Variants in SNTG1 observed in about 807,000 individuals in gnomAD.
SNTG1 encodes the protein syntrophin gamma 1.
Under a neutral mutation model 74.7 loss-of-function variants are expected in SNTG1, and 39 were observed. The observed-to-expected ratio is 0.52, with a 90% CI of 0.40 to 0.68. The LOEUF is 0.68. Among genes scored for constraint, SNTG1 ranks in the 30% least tolerant of loss-of-function variants. The pLI, the probability that SNTG1 is intolerant of heterozygous loss-of-function variation, is 0.00. For synonymous variants in SNTG1, 254 were observed against 217.1 expected, an observed-to-expected ratio of 1.17 and a Z score of -1.49; for missense variants, 685 against 609.5, an observed-to-expected ratio of 1.12 and a Z score of -1.30.
intron 8 of SNTG1, among the ~76,000 whole-genome samples, chr8:50,494,527 T>C (rs2093886743): frequency 6.6e-6 from 1 of 152,046 alleles, no homozygotes; most frequent in East Asian, 1.9e-4. Context: ...TTTTTCAAAG[T>C]AGAACTTTTA....
At chr8:49,974,909 C>T (rs979452471) in intron 1 of SNTG1, among the ~76,000 whole-genome samples, 4 of 152,092 alleles carry the variant, frequency 2.6e-5, no homozygotes, top group African/African-American at 9.7e-5. Flanking sequence ...GGCATAATCC[C>T]TTTATGGCAG....
intron 1 of SNTG1, among the ~76,000 whole-genome samples, chr8:50,103,678 A>T (rs200715704): frequency 6.6e-6 from 1 of 152,038 alleles, no homozygotes; most frequent in Non-Finnish European, 1.5e-5. Context: ...CCCCATTCAG[A>T]ATGATATTGG....
At chr8:50,738,527 T>C (rs1279482259) in intron 17 of SNTG1, among the ~76,000 whole-genome samples, 3 of 152,022 alleles carry the variant, frequency 2.0e-5, no homozygotes, top group African/African-American at 7.2e-5. Context: ...CCAGCTACCA[T>C]TGACTTTCTT....
intron 1 of SNTG1, among the ~76,000 whole-genome samples, chr8:50,040,448 T>C (rs1818539973): frequency 6.6e-6 from 1 of 152,302 alleles, no homozygotes; most frequent in South Asian, 2.1e-4. Flanking sequence ...TTACTTAAAC[T>C]GTATATCTTA....
chr8:50,005,645 A>G (rs1815152077), intron 1 of SNTG1, among the ~76,000 whole-genome samples: 1 of 152,208 alleles, frequency 6.6e-6, no homozygotes, highest in Non-Finnish European at 1.5e-5. Flanking sequence ...AAGTACAATG[A>G]AAATGTTGAT....
chr8:50,448,009 C>T (rs202212784), intron 5 of SNTG1, among the ~76,000 whole-genome samples: 2 of 152,166 alleles, frequency 1.3e-5, no homozygotes, highest in South Asian at 2.1e-4. Flanking sequence ...TGATTTCCAC[C>T]ACACTGTCAG....
intron 8 of SNTG1, among the ~76,000 whole-genome samples, chr8:50,494,227 T>C (rs950404923): frequency 1.3e-5 from 2 of 151,928 alleles, no homozygotes; most frequent in African/African-American, 4.8e-5. Flanking sequence ...CATGGATATT[T>C]ATTCAGGATT....
chr8:50,426,265 A>G (rs996561255), intron 4 of SNTG1, among the ~76,000 whole-genome samples: 1 of 152,154 alleles, frequency 6.6e-6, no homozygotes, highest in African/African-American at 2.4e-5. Flanking sequence ...ACACTGTATA[A>G]GAATTCATTT....
At chr8:50,099,837 GT>G (rs1042848802) in intron 1 of SNTG1, among the ~76,000 whole-genome samples, 3 of 151,954 alleles carry the variant, frequency 2.0e-5, no homozygotes, top group South Asian at 2.1e-4. Flanking sequence ...ATTATTTGCA[GT>G]TTTTTTGCTA....
intron 2 of SNTG1, among the ~76,000 whole-genome samples, chr8:50,379,416 T>TG (rs912477294): frequency 2.0e-5 from 3 of 151,924 alleles, no homozygotes; most frequent in Admixed American, 6.6e-5. Context: ...GTTGTGCCGA[T>TG]GGGGGGTCAG....
intron 13 of SNTG1, among the ~76,000 whole-genome samples, chr8:50,650,306 CAA>C (rs1198823826): frequency 6.6e-6 from 1 of 151,898 alleles, no homozygotes; most frequent in African/African-American, 2.4e-5. Flanking sequence ...TTTTAAATCT[CAA>C]GTTATTTATT....
At position 50,796,478 on chromosome 8, in the gene SNTG1, T is replaced by C. The variant is rs1347415437; in HGVS notation, c.*3649T>C. 2 of 151,926 alleles carry C rather than the reference T, an allele frequency of 1.3e-5. No individual in the cohort carries two copies. The highest frequency in any genetic ancestry group is 2.9e-5 in the Non-Finnish European group (2 of 67,912). 9.4% of individuals were successfully genotyped at this position (151,926 alleles called of 1,614,324 possible). On this transcript the variant is annotated 3_prime_UTR_variant, in exon 19 of 19. Transcript: ENST00000642720. ...AATATTATAAATGTTATATATTTTA[T>C]ACATGTTAAAATGCAGTGAAAAGAC...
intron 5 of SNTG1, among the ~76,000 whole-genome samples, chr8:50,441,151 G>C (rs1032564672): frequency 6.6e-6 from 1 of 152,036 alleles, no homozygotes; most frequent in Admixed American, 6.6e-5. Context: ...TTGTTTTGTT[G>C]ATTAATATGT....
intron 1 of SNTG1, among the ~76,000 whole-genome samples, chr8:50,101,131 A>C (rs1188166247): frequency 6.6e-6 from 1 of 152,114 alleles, no homozygotes; most frequent in African/African-American, 2.4e-5. Context: ...TTATGGCTGC[A>C]TAGTATTCCA....
chr8:50,019,293 G>C (rs888165351), intron 1 of SNTG1, among the ~76,000 whole-genome samples: 1 of 152,070 alleles, frequency 6.6e-6, no homozygotes, highest in Non-Finnish European at 1.5e-5. Context: ...AGAAAATGAT[G>C]TAAGTTCTTT....
intron 9 of SNTG1, among the ~76,000 whole-genome samples, chr8:50,528,553 T>C (rs1266327261): frequency 2.0e-5 from 3 of 151,926 alleles, no homozygotes; most frequent in Non-Finnish European, 2.9e-5. Flanking sequence ...CTAGGCTTGG[T>C]TTGCTAATAT....
At chr8:50,664,566 C>A (rs2095241374) in intron 15 of SNTG1, among the ~76,000 whole-genome samples, 1 of 152,076 alleles carries the variant, frequency 6.6e-6, no homozygotes, top group Non-Finnish European at 1.5e-5. Context: ...AAACCAGTGT[C>A]TATGGGAAAA....
Position 50,230,840 on chromosome 8 carries a change from CT to C in SNTG1, c.-28+58217del, listed in dbSNP as rs71235782. ...AACTATCTAACATTGGTTTGGGTAA[CT>C]TTTTTTTTTTTAATTTGACTCAAAA... is the stretch of plus-strand genomic sequence containing the variant. On this transcript the variant is annotated intron_variant, in intron 2 of 18. Coordinates refer to ENST00000642720, the MANE Select transcript of SNTG1 (RefSeq NM_018967.5). 7.0e-3 allele frequency among the ~76,000 whole-genome samples: 1,020 copies of C among 145,608 alleles called. 13 individuals carry two copies. The highest frequency in any genetic ancestry group is 0.024 in the African/African-American group (961 of 40,270).
chr8:50,593,874 C>T (rs1487475465), intron 13 of SNTG1, among the ~76,000 whole-genome samples: 3 of 151,994 alleles, frequency 2.0e-5, no homozygotes, highest in Non-Finnish European at 4.4e-5. Context: ...TGCACCACCA[C>T]GCCTGGATAA....
Sources: gnomAD v4.1 joint callset for allele counts (sites outside exome capture counted in the v4.1 genomes callset) on GRCh38, gnomAD v4.1.1 for gene constraint, MANE v1.5 for transcripts, NCBI Gene and HGNC (gene_info 2026-07-23, HGNC 2026-07-21) for gene names.